CSMD1: variants seen among roughly 807,000 people sequenced by gnomAD.
CSMD1 encodes CUB and Sushi multiple domains 1, also known as CUB and sushi domain-containing protein 1.
CSMD1 carries 213 observed loss-of-function variants against 417.5 expected under a neutral mutation model. The observed-to-expected ratio is 0.51, with a 90% CI of 0.46 to 0.57. CSMD1 has a LOEUF of 0.57. CSMD1 is among the 20% of genes least tolerant of loss of function. The pLI, the probability that CSMD1 is intolerant of heterozygous loss-of-function variation, is 0.00. For synonymous variants in CSMD1, 2,862 were observed against 1,736.8 expected (o/e 1.65, Z -16.11); for missense variants, 6,923 against 4,529.7 (o/e 1.53, Z -15.17).
At chr8:4,461,072 G>T (rs900099285) in intron 2 of CSMD1, among the ~76,000 whole-genome samples, 2 of 150,540 alleles carry the variant, frequency 1.3e-5, no homozygotes, top group African/African-American at 5.0e-5. Flanking sequence ...GTGTCCAAGT[G>T]CTATTTATCT....
Position 3,274,054 on chromosome 8 carries a change from T to C in CSMD1, c.4153+10090A>G, listed in dbSNP as rs1402160924. Among the ~76,000 whole-genome samples the C allele has an allele frequency of 2.6e-5, 4 of 151,904 alleles. No individual in the cohort carries two copies. The East Asian group carries it at 7.7e-4, about 29-fold the overall frequency. On this transcript the variant is annotated intron_variant, in intron 26 of 69. Coordinates refer to ENST00000635120, the MANE Select transcript of CSMD1 (RefSeq NM_033225.6). ...ATTTTGGATCTTTCCTGCTTTCTCT[T>C]GTGGGCATTTAGTGCTATAAATTTC...
intron 1 of CSMD1, among the ~76,000 whole-genome samples, chr8:4,882,908 A>G (rs909868919): frequency 1.3e-5 from 2 of 152,074 alleles, no homozygotes; most frequent in Non-Finnish European, 2.9e-5. Context: ...AGATTTCTTC[A>G]CTAGATTAAG....
At chr8:4,772,135 A>T (rs1435112595) in intron 1 of CSMD1, among the ~76,000 whole-genome samples, 1 of 152,042 alleles carries the variant, frequency 6.6e-6, no homozygotes, top group Non-Finnish European at 1.5e-5. Flanking sequence ...CACCGAGAGC[A>T]GAAGTCAGTT....
chr8:3,623,018 G>A (rs531756379), intron 7 of CSMD1, among the ~76,000 whole-genome samples: 18 of 152,262 alleles, frequency 1.2e-4, no homozygotes, highest in South Asian at 2.1e-4. Flanking sequence ...TATGTTAAAT[G>A]TAAGTCAAAA....
chr8:4,663,913 C>T (rs551899107), intron 1 of CSMD1, among the ~76,000 whole-genome samples: 2 of 152,306 alleles, frequency 1.3e-5, no homozygotes, highest in East Asian at 3.9e-4. Flanking sequence ...AATCCAGTGT[C>T]ATCTGACGAT....
At chr8:3,091,963 G>C (rs1814978657) in intron 47 of CSMD1, among the ~76,000 whole-genome samples, 1 of 152,086 alleles carries the variant, frequency 6.6e-6, no homozygotes. Flanking sequence ...ATTGTTGTTA[G>C]TATTTACAAT....
intron 5 of CSMD1, among the ~76,000 whole-genome samples, chr8:3,835,525 A>G (rs1014179172): frequency 3.9e-5 from 6 of 152,170 alleles, no homozygotes; most frequent in East Asian, 3.9e-4. Flanking sequence ...CAATGAGAAC[A>G]CATGGACACA....
intron 5 of CSMD1, among the ~76,000 whole-genome samples, chr8:3,870,553 C>A (rs560639051): frequency 9.6e-4 from 146 of 152,200 alleles, no homozygotes; most frequent in African/African-American, 3.4e-3. Context: ...CAGAAATGTC[C>A]AGCCATTTCT....
At chr8:4,875,429 A>G (rs989964795) in intron 1 of CSMD1, among the ~76,000 whole-genome samples, 3 of 152,062 alleles carry the variant, frequency 2.0e-5, no homozygotes, top group Non-Finnish European at 4.4e-5. Context: ...AGGGAGTTCT[A>G]TCCTAAATAT....
intron 41 of CSMD1, among the ~76,000 whole-genome samples, chr8:3,121,571 C>T (rs752948365): frequency 6.6e-6 from 1 of 152,136 alleles, no homozygotes; most frequent in Non-Finnish European, 1.5e-5. Context: ...TGGATTATGT[C>T]GCTCATTACT....
intron 12 of CSMD1, 22 bp from the exon 13 acceptor site, chr8:3,409,627 A>C: frequency 6.5e-7 from 1 of 1,532,910 alleles, no homozygotes; most frequent in Non-Finnish European, 8.8e-7. Context: ...AAAACAAATG[A>C]ACCCTTAAAA....
intron 1 of CSMD1, among the ~76,000 whole-genome samples, chr8:4,863,844 T>C (rs1287162068): frequency 6.6e-6 from 1 of 152,106 alleles, no homozygotes; most frequent in Non-Finnish European, 1.5e-5. Context: ...TGAAATTTTT[T>C]ATACTTTTTC....
chr8:3,112,526 G>C (rs563306666), intron 42 of CSMD1, among the ~76,000 whole-genome samples: 4 of 152,252 alleles, frequency 2.6e-5, no homozygotes, highest in South Asian at 2.1e-4. Context: ...CTATAACATT[G>C]AGCAAGTCAG....
intron 3 of CSMD1, among the ~76,000 whole-genome samples, chr8:4,230,657 T>A (rs1801667200): frequency 6.6e-6 from 1 of 152,190 alleles, no homozygotes; most frequent in African/African-American, 2.4e-5. Flanking sequence ...GCTCATAATT[T>A]TCTCCATAAA....
chr8:4,360,280 T>A (rs1378401300), intron 3 of CSMD1, among the ~76,000 whole-genome samples: 1 of 152,170 alleles, frequency 6.6e-6, no homozygotes, highest in Admixed American at 6.5e-5. Context: ...AATTTGCTTT[T>A]ACTTAATAGT....
intron 27 of CSMD1, 68 bp downstream of exon 27, chr8:3,229,972 G>T: frequency 1.9e-6 from 2 of 1,069,498 alleles, no homozygotes; most frequent in Non-Finnish European, 2.6e-6. Flanking sequence ...ATACATTTAC[G>T]GAGCGCTTTT....
chr8:4,797,182 C>G (rs978093571), intron 1 of CSMD1, among the ~76,000 whole-genome samples: 2 of 152,176 alleles, frequency 1.3e-5, no homozygotes, highest in Non-Finnish European at 2.9e-5. Flanking sequence ...TCCAGGCAGG[C>G]AGCTGACTGA....
At chr8:4,210,603 A>G (rs1166680969) in intron 3 of CSMD1, among the ~76,000 whole-genome samples, 1 of 152,194 alleles carries the variant, frequency 6.6e-6, no homozygotes, top group Non-Finnish European at 1.5e-5. Flanking sequence ...TTAGAGCAAA[A>G]CAATAGCTAA....
intron 5 of CSMD1, among the ~76,000 whole-genome samples, chr8:3,779,271 C>A (rs1799052332): frequency 1.3e-5 from 2 of 151,570 alleles, no homozygotes; most frequent in Non-Finnish European, 2.9e-5. Context: ...TATCTGTTTG[C>A]TTGAGCTTTT....
Sources: allele counts gnomAD v4.1 joint callset (sites outside exome capture counted in the v4.1 genomes callset), GRCh38; gene constraint gnomAD v4.1.1; transcripts MANE v1.5; gene names NCBI Gene and HGNC (gene_info 2026-07-23, HGNC 2026-07-21).